Variants in PHLDB2 observed in about 807,000 individuals in gnomAD.
PHLDB2 encodes the protein pleckstrin homology like domain family B member 2, also known as pleckstrin homology-like domain family B member 2.
PHLDB2 carries 71 observed loss-of-function variants against 123.6 expected under a neutral mutation model. That is an observed-to-expected ratio of 0.57 (90% CI 0.47 to 0.70). The LOEUF is 0.70. Ranked by LOEUF, PHLDB2 falls within the 30% of genes least tolerant of loss-of-function variation. PHLDB2 has a pLI of 0.00. For missense variants in PHLDB2, 1,446 were observed against 1,519.5 expected (o/e 0.95, Z 0.80); for synonymous variants, 547 against 541.6 (o/e 1.01, Z -0.14).
At chr3:111,774,188 T>C (rs573718415) in intron 1 of PHLDB2, among the ~76,000 whole-genome samples, 1 of 152,162 alleles carries the variant, frequency 6.6e-6, no homozygotes, top group East Asian at 1.9e-4. Flanking sequence ...CCCACCTCTG[T>C]TGTGTGCTCT....
intron 1 of PHLDB2, among the ~76,000 whole-genome samples, chr3:111,829,926 A>G (rs1383228643): frequency 7.7e-6 from 1 of 129,368 alleles, no homozygotes; most frequent in Non-Finnish European, 1.6e-5. Context: ...GAACTATTCA[A>G]AACACACACA....
At position 111,940,600 on chromosome 3, in the gene PHLDB2, T is replaced by C. The variant is rs202182086; in HGVS notation, c.2352T>C (p.Asp784=). The C allele has an allele frequency of 1.9e-6, 3 of 1,606,574 alleles. No individual in the cohort carries two copies. In the East Asian group the frequency reaches 6.7e-5, roughly 36 times the overall value. ...HIVQQAQREQ[D]HFVKEKNNLI... is the part of the protein sequence containing the mutation. ...TTCAGCAGGCTCAGAGAGAGCAAGA[T>C]CATTTTGTGAAAGAAAAGAATAATT... The change falls in exon 8 of 18, where the codon GAT becomes GAC. Residue 784 remains aspartate, a synonymous_variant. Coordinates refer to ENST00000431670, the MANE Select transcript of PHLDB2 (RefSeq NM_001134438.2).
intron 12 of PHLDB2, among the ~76,000 whole-genome samples, chr3:111,955,784 A>T (rs1340481470): frequency 1.3e-5 from 2 of 152,168 alleles, no homozygotes; most frequent in Non-Finnish European, 2.9e-5. Flanking sequence ...AAGACATCAA[A>T]GCTTAGATTG....
intron 14 of PHLDB2, among the ~76,000 whole-genome samples, chr3:111,967,361 A>C (rs1397703079): frequency 6.6e-6 from 1 of 152,244 alleles, no homozygotes; most frequent in Non-Finnish European, 1.5e-5. Context: ...ACAGTTTGTG[A>C]GGCTTTTTAT....
At position 111,952,678 on chromosome 3, in the gene PHLDB2, G is replaced by C; in HGVS notation, c.2738G>C (p.Ser913Thr). The C allele has an allele frequency of 2.5e-6, 4 of 1,613,900 alleles. No homozygotes were observed. Among genetic ancestry groups the C allele is most frequent in the Non-Finnish European group, 3.4e-6 (4 of 1,179,882 alleles). The change falls in exon 11 of 18, where the codon AGC becomes ACC. Residue 913 changes from serine to threonine, a missense_variant. Physicochemically the swap from Ser to Thr is moderately conservative, Grantham distance 58. Transcript: ENST00000431670. Reference sequence around the variant, plus strand: ...ACATCTTCCATCTCCCCACATTTCAGCAGTGCTACTATGGGGAGAAGCATC... The same window carrying C: ...ACATCTTCCATCTCCCCACATTTCACCAGTGCTACTATGGGGAGAAGCATC... Reference protein sequence around the residue: ...KTTSSISPHFSSATMGRSITP... With the variant: ...KTTSSISPHFTSATMGRSITP...
intron 1 of PHLDB2, among the ~76,000 whole-genome samples, chr3:111,867,970 G>C (rs888398892): frequency 6.6e-6 from 1 of 151,346 alleles, no homozygotes; most frequent in Non-Finnish European, 1.5e-5. Flanking sequence ...TAGAGTGCTG[G>C]AATTACAGGC....
chr3:111,865,775 TA>T (rs61210732), intron 1 of PHLDB2, among the ~76,000 whole-genome samples: 9 of 150,606 alleles, frequency 6.0e-5, no homozygotes, highest in South Asian at 2.1e-4. Flanking sequence ...CCAGAGTTAT[TA>T]AAAAAAAAGC....
intron 1 of PHLDB2, among the ~76,000 whole-genome samples, chr3:111,838,004 C>A (rs1373037517): frequency 6.6e-6 from 1 of 151,768 alleles, no homozygotes; most frequent in Non-Finnish European, 1.5e-5. Flanking sequence ...ATCGTCCCAC[C>A]GCACTCCAGC....
chr3:111,796,584 A>C (rs1448988436), intron 1 of PHLDB2, among the ~76,000 whole-genome samples: 1 of 152,196 alleles, frequency 6.6e-6, no homozygotes, highest in Non-Finnish European at 1.5e-5. Flanking sequence ...TCCATGCTGA[A>C]GTGCAGTGGC....
chr3:111,938,251 C>G (rs563660992), intron 6 of PHLDB2, among the ~76,000 whole-genome samples: 1 of 152,126 alleles, frequency 6.6e-6, no homozygotes, highest in Non-Finnish European at 1.5e-5. Flanking sequence ...GCAGAACTTA[C>G]AGACATTTGC....
intron 1 of PHLDB2, among the ~76,000 whole-genome samples, chr3:111,745,248 G>T (rs972846204): frequency 1.9e-4 from 29 of 152,112 alleles, no homozygotes; most frequent in African/African-American, 6.8e-4. Context: ...GAAGCTTTTT[G>T]AAATGTAGAG....
chr3:111,928,410 G>C (rs1164375705), intron 5 of PHLDB2, among the ~76,000 whole-genome samples: 1 of 152,176 alleles, frequency 6.6e-6, no homozygotes, highest in East Asian at 1.9e-4. Context: ...CTGCATATCA[G>C]AAAACCTGGA....
At chr3:111,946,588 A>T (rs569419992) in intron 9 of PHLDB2, among the ~76,000 whole-genome samples, 2 of 152,322 alleles carry the variant, frequency 1.3e-5, no homozygotes, top group South Asian at 4.1e-4. Flanking sequence ...TCTTTTCATT[A>T]TTCGGAACGT....
chr3:111,782,103 T>G (rs973996484), intron 1 of PHLDB2, among the ~76,000 whole-genome samples: 1 of 152,054 alleles, frequency 6.6e-6, no homozygotes, highest in African/African-American at 2.4e-5. Context: ...GATATGGAGA[T>G]AGGATGTAAT....
rs201103348 is a variant in PHLDB2, at chr3:111,974,485, C to A, written c.3684C>A (p.Ala1228=). ...KTHDRIYYMV[A]PSPEAMRIWM... is the part of the protein sequence containing the mutation. ...ATGACAGAATCTATTATATGGTAGC[C>A]CCATCGCCAGAAGCCATGCGGATCT... Residue 1228 remains alanine (A), a synonymous_variant, in exon 18 of 18, where the codon GCC becomes GCA. Transcript: ENST00000431670. 2.0e-4 allele frequency: 329 copies of A among 1,613,562 alleles called. No individual in the cohort carries two copies. Among genetic ancestry groups the A allele is most frequent in the Non-Finnish European group, 2.7e-4 (316 of 1,179,712 alleles).
chr3:111,775,180 C>G (rs986666861), intron 1 of PHLDB2, among the ~76,000 whole-genome samples: 3 of 152,102 alleles, frequency 2.0e-5, no homozygotes, highest in Non-Finnish European at 4.4e-5. Flanking sequence ...TAGATACTAT[C>G]ATCATCACCA....
chr3:111,746,080 T>C (rs554648136), intron 1 of PHLDB2, among the ~76,000 whole-genome samples: 28 of 152,344 alleles, frequency 1.8e-4, no homozygotes, highest in Admixed American at 4.6e-4. Flanking sequence ...CTAAAGGCAG[T>C]TGCAGACAGA....
chr3:111,885,765 T>C, intron 2 of PHLDB2: 1 of 595,532 alleles, frequency 1.7e-6, no homozygotes, highest in Non-Finnish European at 3.0e-6. Flanking sequence ...CTTGTATTAT[T>C]TATATCATTA....
intron 2 of PHLDB2, among the ~76,000 whole-genome samples, chr3:111,852,072 A>G (rs1162817109): frequency 1.3e-5 from 2 of 151,844 alleles, no homozygotes; most frequent in Admixed American, 6.6e-5. Context: ...ATATTACATT[A>G]TCATATTACA....
Sources: gnomAD v4.1 joint callset for allele counts (sites outside exome capture counted in the v4.1 genomes callset) on GRCh38, gnomAD v4.1.1 for gene constraint, MANE v1.5 for transcripts, NCBI Gene and HGNC (gene_info 2026-07-23, HGNC 2026-07-21) for gene names.